Variants in PCDHGB7 observed in about 807,000 individuals in gnomAD.
PCDHGB7 encodes protocadherin gamma-B7.
Under a neutral mutation model 61.4 loss-of-function variants are expected in PCDHGB7, and 37 were observed. The observed-to-expected ratio is 0.60, with a 90% CI of 0.46 to 0.79. The LOEUF (loss-of-function observed/expected upper bound fraction) is 0.79, where lower values mean the gene tolerates loss of function less well. Among genes scored for constraint, PCDHGB7 ranks in the 30% least tolerant of loss-of-function variants. PCDHGB7 has a pLI of 0.00. For missense variants in PCDHGB7, 1,166 were observed against 1,202.5 expected (o/e 0.97, Z 0.45); for synonymous variants, 464 against 503.5 (o/e 0.92, Z 1.05).
At chr5:141,506,444 C>CAAA (rs1219684339) in intron 3 of PCDHGB7, among the ~76,000 whole-genome samples, 2 of 95,018 alleles carry the variant, frequency 2.1e-5, no homozygotes, top group African/African-American at 7.9e-5. Context: ...CGCTCTGTCT[C>CAAA]AAAAAAAAAA....
chr5:141,505,513 G>A lies in PCDHGB7; in HGVS notation c.2563+32G>A, dbSNP rs1157816684. ...GGTGTCAGTGTGTGTATGGAAGAGT[G>A]GGAGACCTGGGGTTCTGGGGTGCAT... On this transcript the variant is annotated intron_variant, in intron 3 of 3. Coordinates refer to ENST00000398594, the MANE Select transcript of PCDHGB7 (RefSeq NM_018927.4). The A allele has an allele frequency of 3.1e-6, 5 of 1,613,710 alleles. No homozygotes were observed. In the South Asian group the frequency reaches 3.3e-5, roughly 11 times the overall value.
intron 2 of PCDHGB7, among the ~76,000 whole-genome samples, chr5:141,502,828 G>T (rs928458403): frequency 6.6e-6 from 1 of 150,704 alleles, no homozygotes; most frequent in Non-Finnish European, 1.5e-5. Context: ...CCTTGGGGAA[G>T]CCTGGACTGG....
At chr5:141,423,619 T>C (rs1389600826) in intron 1 of PCDHGB7, 1 of 1,608,090 alleles carries the variant, frequency 6.2e-7, no homozygotes. Context: ...AGCTGAAGAC[T>C]CAGCTATCAT....
In PCDHGB7 at chr5:141,490,410, T is replaced by C. The variant is rs2099699827; in HGVS notation, c.2416-4397T>C. ...ATGGTGAAGTGAGCCTTGATATCTC[T>C]CCGGACCTGCCATTTCAGATTAAGC... On this transcript the variant is annotated intron_variant, in intron 1 of 3. Coordinates refer to ENST00000398594, the MANE Select transcript of PCDHGB7 (RefSeq NM_018927.4). The surrounding 1 kb of genome is among the most constrained non-coding windows in gnomAD (Gnocchi z 5.4). 1 of 1,614,172 alleles carries C rather than the reference T, an allele frequency of 6.2e-7. No individual in the cohort carries two copies. Among genetic ancestry groups the C allele is most frequent in the Non-Finnish European group, 8.5e-7 (1 of 1,180,042 alleles).
intron 3 of PCDHGB7, among the ~76,000 whole-genome samples, chr5:141,507,714 C>T (rs1425955843): frequency 6.6e-6 from 1 of 152,280 alleles, no homozygotes; most frequent in Non-Finnish European, 1.5e-5. Flanking sequence ...GCCCCAAACC[C>T]TCCAAGCAAG....
chr5:141,508,799 C>T (rs962590711), intron 3 of PCDHGB7, among the ~76,000 whole-genome samples: 1 of 152,110 alleles, frequency 6.6e-6, no homozygotes, highest in Non-Finnish European at 1.5e-5. Context: ...ACTCTGGAAT[C>T]CTGGCTCTTT....
intron 1 of PCDHGB7, among the ~76,000 whole-genome samples, chr5:141,443,780 A>G (rs1337883957): frequency 6.6e-6 from 1 of 152,202 alleles, no homozygotes; most frequent in Non-Finnish European, 1.5e-5. Flanking sequence ...TACCAAAAAG[A>G]CAAAAAAAAT....
At chr5:141,478,816 A>G in intron 1 of PCDHGB7, 1 of 1,450,826 alleles carries the variant, frequency 6.9e-7, no homozygotes, top group Non-Finnish European at 9.1e-7. Context: ...TATCACAACT[A>G]ACCAATCTTG....
rs754836894 is a variant in PCDHGB7 at position 141,432,969 on chromosome 5, C to G, written c.2415+12695C>G. ...GGAGGCGGCTTGACAGGAGCGCCGG[C>G]GTCGCACTTTGTGGGCGTGGACGGG... On this transcript the variant is annotated intron_variant, in intron 1 of 3. Coordinates refer to ENST00000398594, the MANE Select transcript of PCDHGB7 (RefSeq NM_018927.4). The surrounding 1 kb of genome is among the most constrained non-coding windows in gnomAD (Gnocchi z 6.0). 5.0e-6 allele frequency: 8 copies of G among 1,614,030 alleles called. No homozygotes were observed. In the Admixed American group the frequency reaches 5.0e-5, roughly 10 times the overall value.
chr5:141,490,454 C>T lies in PCDHGB7; in HGVS notation c.2416-4353C>T. The T allele has an allele frequency of 3.1e-6, 5 of 1,614,176 alleles. No homozygotes were observed. The highest frequency in any genetic ancestry group is 4.2e-6 in the Non-Finnish European group (5 of 1,180,020). On this transcript the variant is annotated intron_variant, in intron 1 of 3. Transcript: ENST00000398594. The surrounding 1 kb of genome is among the most constrained non-coding windows in gnomAD (Gnocchi z 5.4). The stretch of plus-strand genomic sequence containing the variant: ...ATTAAGCCTTCTGAGAACCACTACT[C>T]GCTGCTAACCAGCCAGCCTTTGGAC...
chr5:141,499,635 A>C (rs578081078), intron 2 of PCDHGB7, among the ~76,000 whole-genome samples: 16 of 152,136 alleles, frequency 1.1e-4, no homozygotes, highest in African/African-American at 3.6e-4. Context: ...CTTTTGAAGC[A>C]AATCTCAGAC....
In PCDHGB7 at chr5:141,487,844, A is replaced by T; in HGVS notation, c.2416-6963A>T. The T allele has an allele frequency of 1.9e-6, 2 of 1,043,194 alleles. No individual in the cohort carries two copies. The highest frequency in any genetic ancestry group is 2.7e-6 in the Non-Finnish European group (2 of 730,908). The allele number at this position is 1,043,194 out of a possible 1,614,324, so 64.6% of individuals were successfully genotyped here. ...CGGGTCATGCCTATATCTGAGTAAG[A>T]AATGAAAGTAATTGGTGATCAAGAG... On this transcript the variant is annotated intron_variant, in intron 1 of 3. Transcript: ENST00000398594. This position sits in a 1 kb window ranked among gnomAD's most constrained non-coding sequence, Gnocchi z 5.0.
intron 1 of PCDHGB7, chr5:141,426,985 A>G (rs534298238): frequency 7.7e-5 from 35 of 456,646 alleles, no homozygotes; most frequent in Non-Finnish European, 1.3e-4. Context: ...ACTGATGCCA[A>G]CGATAATGCC....
intron 1 of PCDHGB7, among the ~76,000 whole-genome samples, chr5:141,482,104 AAT>A (rs1452930297): frequency 2.7e-5 from 4 of 150,286 alleles, no homozygotes; most frequent in Non-Finnish European, 5.9e-5. Context: ...AAAAAAAAAA[AAT>A]ATCTAGAGAT....
rs769514553 is a variant in PCDHGB7, at chr5:141,490,072, G to T, written c.2416-4735G>T. On this transcript the variant is annotated intron_variant, in intron 1 of 3. Transcript: ENST00000398594. The surrounding 1 kb of genome is among the most constrained non-coding windows in gnomAD (Gnocchi z 5.4). Reference sequence around the variant, plus strand: ...AGACGAGGGCACCAACGGCCAACTAGACTATTCTTTTGGAGACCACACATC... The same window carrying T: ...AGACGAGGGCACCAACGGCCAACTATACTATTCTTTTGGAGACCACACATC... 2 of 1,614,254 alleles carry T rather than the reference G, an allele frequency of 1.2e-6. No homozygotes were observed. Among genetic ancestry groups the T allele is most frequent in the South Asian group, 2.2e-5 (2 of 91,090 alleles).
intron 1 of PCDHGB7, among the ~76,000 whole-genome samples, chr5:141,462,086 A>C (rs993185274): frequency 6.6e-6 from 1 of 151,410 alleles, no homozygotes; most frequent in Non-Finnish European, 1.5e-5. Flanking sequence ...GCCTCCCAAA[A>C]TGCTGGGATT....
intron 2 of PCDHGB7, among the ~76,000 whole-genome samples, chr5:141,500,212 ATT>A (rs1336187706): frequency 5.4e-5 from 8 of 148,798 alleles, no homozygotes; most frequent in African/African-American, 2.0e-4. Context: ...TTATTTATTT[ATT>A]TATTTATTTA....
chr5:141,452,054 C>T (rs578157525), intron 1 of PCDHGB7, among the ~76,000 whole-genome samples: 2 of 152,078 alleles, frequency 1.3e-5, no homozygotes, highest in Admixed American at 1.3e-4. Flanking sequence ...TTTGTAATAA[C>T]TTATTCTACT....
chr5:141,443,235 C>G (rs1182428300), intron 1 of PCDHGB7, among the ~76,000 whole-genome samples: 2 of 151,642 alleles, frequency 1.3e-5, no homozygotes, highest in East Asian at 1.9e-4. Flanking sequence ...AATCTTAGCA[C>G]TTTGGGGCGC....
Sources: gnomAD v4.1 joint callset for allele counts (sites outside exome capture counted in the v4.1 genomes callset) on GRCh38, gnomAD v4.1.1 for gene constraint, Gnocchi (gnomAD v3.1) non-coding constraint, MANE v1.5 for transcripts, NCBI Gene and HGNC (gene_info 2026-07-23, HGNC 2026-07-21) for gene names.